Variants in PPP2R2D observed in about 807,000 individuals in gnomAD.
PPP2R2D encodes protein phosphatase 2 regulatory subunit Bdelta.
Under a neutral mutation model 31.1 loss-of-function variants are expected in PPP2R2D, and 9 were observed. That is an observed-to-expected ratio of 0.29 (90% CI 0.17 to 0.51). PPP2R2D has a LOEUF of 0.51. Among genes scored for constraint, PPP2R2D ranks in the 20% least tolerant of loss-of-function variants. The pLI is 0.98. For synonymous variants in PPP2R2D, 179 were observed against 172.6 expected, an observed-to-expected ratio of 1.04 and a Z score of -0.29; for missense variants, 391 against 465.6, an observed-to-expected ratio of 0.84 and a Z score of 1.48.
chr10:131,901,853 A>G lies in PPP2R2D; in HGVS notation c.100+523A>G, dbSNP rs1369742996. Among the ~76,000 whole-genome samples, 9 of 152,096 alleles carry G rather than the reference A, an allele frequency of 5.9e-5. 1 individual carries two copies. Among genetic ancestry groups the G allele is most frequent in the African/African-American group, 2.2e-4 (9 of 41,422 alleles). ...GCGAGCTGGTTGCCTCGGCTCCCTGATTCTTAAGGTCTGCTTTCTGCGGTT... is the reference window on the plus strand; with the variant it reads ...GCGAGCTGGTTGCCTCGGCTCCCTGGTTCTTAAGGTCTGCTTTCTGCGGTT... On this transcript the variant is annotated intron_variant, in intron 2 of 8. Coordinates refer to ENST00000455566, the MANE Select transcript of PPP2R2D (RefSeq NM_018461.5).
Position 131,955,788 on chromosome 10 carries a change from C to T in PPP2R2D, c.1187C>T (p.Ala396Val), listed in dbSNP as rs1554899819. The stretch of plus-strand genomic sequence containing the variant: ...TCGAGAGAGAGCAGCAAACCGCGCG[C>T]CAGCCTCAAACCCCGGAAGGTGTGT... ...EASRESSKPR[A>V]SLKPRKVCTG... is the part of the protein sequence containing the mutation. The change falls in exon 9 of 9, where the codon GCC becomes GTC. Residue 396 changes from alanine to valine, a missense_variant. Coordinates refer to ENST00000455566, the MANE Select transcript of PPP2R2D (RefSeq NM_018461.5). 1.2e-5 allele frequency: 19 copies of T among 1,595,688 alleles called. No homozygotes were observed. The highest frequency in any genetic ancestry group is 1.6e-5 in the Non-Finnish European group (19 of 1,168,884).
At chr10:131,970,841 C>T in the PPP2R2D span, 3 of 1,614,226 alleles carry the variant, frequency 1.9e-6, no homozygotes, top group South Asian at 2.2e-5. The surrounding 1 kb of genome is among the most constrained non-coding windows in gnomAD (Gnocchi z 4.1). Context: ...GGGGTGCCCC[C>T]GTGACACTGA....
chr10:131,945,245 A>G lies in PPP2R2D; in HGVS notation c.656-50A>G, dbSNP rs1265710440. On this transcript the variant is annotated intron_variant, in intron 6 of 8. Transcript: ENST00000455566. This position sits in a 1 kb window ranked among gnomAD's most constrained non-coding sequence, Gnocchi z 4.8. ...TATTTCGCGTGACTGAATGTAGACTAATTAACAACCAGCTGAGCTGAGCAC... is the reference window on the plus strand; with the variant it reads ...TATTTCGCGTGACTGAATGTAGACTGATTAACAACCAGCTGAGCTGAGCAC... 6 of 1,574,322 alleles carry G rather than the reference A, an allele frequency of 3.8e-6. No homozygotes were observed. Among genetic ancestry groups the G allele is most frequent in the Non-Finnish European group, 4.3e-6 (5 of 1,155,608 alleles).
chr10:131,902,177 G>A (rs1194889361), intron 2 of PPP2R2D, among the ~76,000 whole-genome samples: 1 of 152,144 alleles, frequency 6.6e-6, no homozygotes, highest in Non-Finnish European at 1.5e-5. Context: ...TTAGAAGTTT[G>A]ATTAATATTT....
At chr10:131,917,219 G>T (rs1554893291) in intron 2 of PPP2R2D, among the ~76,000 whole-genome samples, 1 of 140,676 alleles carries the variant, frequency 7.1e-6, no homozygotes, top group Admixed American at 7.2e-5. Context: ...ACACAGTGTA[G>T]GGACCTCAGG....
chr10:131,939,003 G>T (rs2036393467), intron 3 of PPP2R2D, among the ~76,000 whole-genome samples: 1 of 152,260 alleles, frequency 6.6e-6, no homozygotes, highest in African/African-American at 2.4e-5. Context: ...CCCAGATGGT[G>T]CAGAAGCAGC....
chr10:131,921,199 T>TA (rs1423362752), intron 2 of PPP2R2D, among the ~76,000 whole-genome samples: 1 of 152,202 alleles, frequency 6.6e-6, no homozygotes, highest in Non-Finnish European at 1.5e-5. Context: ...CTGAAATACT[T>TA]AAAGATAGTT....
At chr10:131,948,490 G>C (rs1445578973) in intron 8 of PPP2R2D, among the ~76,000 whole-genome samples, 1 of 152,156 alleles carries the variant, frequency 6.6e-6, no homozygotes, top group African/African-American at 2.4e-5. Flanking sequence ...AAACCCTCTG[G>C]CATAAACACC....
rs1461880446 is a variant in PPP2R2D at position 131,947,490 on chromosome 10, T to G, written c.821-40T>G. On this transcript the variant is annotated intron_variant, in intron 7 of 8. Coordinates refer to ENST00000455566, the MANE Select transcript of PPP2R2D (RefSeq NM_018461.5). This position sits in a 1 kb window ranked among gnomAD's most constrained non-coding sequence, Gnocchi z 4.3. ...ACTTGAAAATGATTTGTTCTCTGATTTTTAAACAGAAGCTGAAAACATTTT... is the reference window on the plus strand; with the variant it reads ...ACTTGAAAATGATTTGTTCTCTGATGTTTAAACAGAAGCTGAAAACATTTT... 1.9e-6 allele frequency: 3 copies of G among 1,593,438 alleles called. No homozygotes were observed. The highest frequency in any genetic ancestry group is 1.7e-6 in the Non-Finnish European group (2 of 1,168,706).
intron 3 of PPP2R2D, among the ~76,000 whole-genome samples, chr10:131,938,523 C>T (rs948205278): frequency 1.3e-5 from 2 of 152,198 alleles, no homozygotes; most frequent in Non-Finnish European, 2.9e-5. Flanking sequence ...TGTCCCCTCC[C>T]CATTTCAGCC....
chr10:131,927,200 G>A (rs2036123446), intron 2 of PPP2R2D, among the ~76,000 whole-genome samples: 1 of 152,146 alleles, frequency 6.6e-6, no homozygotes, highest in Non-Finnish European at 1.5e-5. Context: ...AGTTTGAGGG[G>A]AGAGGAGAGG....
intron 5 of PPP2R2D, chr10:131,940,983 C>G (rs2036431565): frequency 6.8e-6 from 2 of 292,932 alleles, no homozygotes; most frequent in Non-Finnish European, 1.3e-5. Context: ...AGCAACCACC[C>G]TTCTCTCAGA....
rs782370970 is a variant in PPP2R2D, at chr10:131,947,312, T to C, written c.821-218T>C. Among the ~76,000 whole-genome samples the C allele has an allele frequency of 1.3e-5, 2 of 152,130 alleles. No homozygotes were observed. The highest frequency in any genetic ancestry group is 2.4e-5 in the African/African-American group (1 of 41,410). On this transcript the variant is annotated intron_variant, in intron 7 of 8. Coordinates refer to ENST00000455566, the MANE Select transcript of PPP2R2D (RefSeq NM_018461.5). The surrounding 1 kb of genome is among the most constrained non-coding windows in gnomAD (Gnocchi z 4.3). ...GTCTACGCTTCTCATGCCCATCCCT[T>C]GTCCATAGCTGGTGCTAGAATGTCT...
intron 3 of PPP2R2D, among the ~76,000 whole-genome samples, chr10:131,935,789 C>T (rs1406765595): frequency 6.6e-6 from 1 of 152,128 alleles, no homozygotes; most frequent in Non-Finnish European, 1.5e-5. Flanking sequence ...CTTGGCCAGG[C>T]GCAGTGGCTC....
rs2036845917 is a variant in PPP2R2D, at chr10:131,958,105, G to C, written c.*2142G>C. 1 of 156,948 alleles carries C rather than the reference G, an allele frequency of 6.4e-6. No individual in the cohort carries two copies. The highest frequency in any genetic ancestry group is 1.3e-4 in the South Asian group (1 of 7,430). 9.7% of individuals were successfully genotyped at this position (156,948 alleles called of 1,614,324 possible). A position where few individuals can be genotyped will look rare whatever the true frequency, so the allele number is the denominator to read the frequency against. On this transcript the variant is annotated 3_prime_UTR_variant, in exon 9 of 9. Transcript: ENST00000455566. The stretch of plus-strand genomic sequence containing the variant: ...TGTGTTGATCCCCCGTCCCCCTGTG[G>C]AGATGAAGGTGTGTGCTGATCCCCG...
chr10:131,916,009 A>T (rs559108453), intron 2 of PPP2R2D, among the ~76,000 whole-genome samples: 1 of 152,358 alleles, frequency 6.6e-6, no homozygotes, highest in African/African-American at 2.4e-5. Context: ...TGGATTATGA[A>T]GGTATCAGCA....
In PPP2R2D at chr10:131,937,048, G is replaced by A. The variant is rs142876160; in HGVS notation, c.198+2493G>A. Among the ~76,000 whole-genome samples the A allele has an allele frequency of 5.4e-3, 830 of 152,338 alleles. 6 individuals carry two copies. The highest frequency in any genetic ancestry group is 0.019 in the African/African-American group (804 of 41,582). ...ATCAAGCGACCCCAGCTCCCAGTTA[G>A]AAGCTGCAGCAAGGTTCACAGGCGT... On this transcript the variant is annotated intron_variant, in intron 3 of 8. Transcript: ENST00000455566.
chr10:131,952,762 G>T (rs1370226236), intron 8 of PPP2R2D, among the ~76,000 whole-genome samples: 1 of 116,962 alleles, frequency 8.5e-6, no homozygotes, highest in African/African-American at 3.5e-5. Flanking sequence ...TGTGCGGGGG[G>T]TTCACTGTCT....
downstream of PPP2R2D, among the ~76,000 whole-genome samples, chr10:131,964,330 T>G (rs1415477096): frequency 1.3e-5 from 2 of 151,460 alleles, no homozygotes; most frequent in African/African-American, 4.9e-5. Flanking sequence ...GACTTTGTGT[T>G]TTTTTTTTGT....
Sources: gnomAD v4.1 joint callset for allele counts (sites outside exome capture counted in the v4.1 genomes callset) on GRCh38, gnomAD v4.1.1 for gene constraint, Gnocchi (gnomAD v3.1) non-coding constraint, MANE v1.5 for transcripts, NCBI Gene and HGNC (gene_info 2026-07-23, HGNC 2026-07-21) for gene names.